CRK: variants seen among roughly 807,000 people sequenced by gnomAD.
CRK encodes the protein CRK proto-oncogene, adaptor protein, also known as adapter molecule crk.
CRK carries 4 observed loss-of-function variants against 29.8 expected under a neutral mutation model. That is an observed-to-expected ratio of 0.13 (90% CI 0.07 to 0.31). The LOEUF is 0.31. CRK is among the 10% of genes least tolerant of loss of function. The pLI is 1.00. For missense variants in CRK, 274 were observed against 396.5 expected (o/e 0.69, Z 2.62); for synonymous variants, 153 against 164.9 (o/e 0.93, Z 0.55).
chr17:1,448,620 C>CAAA lies in CRK; in HGVS notation c.241+7254_241+7256dup, dbSNP rs1292024313. Among the ~76,000 whole-genome samples the CAAA allele has an allele frequency of 4.9e-3, 158 of 32,328 alleles. 9 individuals are homozygous for CAAA. The highest frequency in any genetic ancestry group is 0.017 in the African/African-American group (99 of 5,714). The allele number at this position is 32,328 out of a possible 152,430, so 21.2% of individuals were successfully genotyped here. ...CCTGGGTGAGAGCAAGACTCCATCT[C>CAAA]AAAAAAAAAAAAAAAAAAAAAAGAA... On this transcript the variant is annotated intron_variant, in intron 1 of 2. Transcript: ENST00000300574.
In CRK at chr17:1,435,370, C is replaced by T. The variant is rs537276278; in HGVS notation, c.777+1250G>A. On this transcript the variant is annotated intron_variant, in intron 2 of 2. Coordinates refer to ENST00000300574, the MANE Select transcript of CRK (RefSeq NM_016823.4). ...CCAGCCTTTGTTCCATGTTTTCATACTTACTTCAACCCAGTGCTAATAAAG... is the reference window on the plus strand; with the variant it reads ...CCAGCCTTTGTTCCATGTTTTCATATTTACTTCAACCCAGTGCTAATAAAG... 2.6e-5 allele frequency among the ~76,000 whole-genome samples: 4 copies of T among 151,772 alleles called. No individual in the cohort carries two copies. In the South Asian group the frequency reaches 8.3e-4, roughly 32 times the overall value.
intron 1 of CRK, among the ~76,000 whole-genome samples, chr17:1,444,519 T>C (rs1214831648): frequency 1.4e-5 from 2 of 142,200 alleles, no homozygotes; most frequent in African/African-American, 5.2e-5. Context: ...AGGGAGAGCC[T>C]GTCTCAATTA....
At chr17:1,428,879 C>G (rs1002132115) in intron 2 of CRK, among the ~76,000 whole-genome samples, 4 of 148,946 alleles carry the variant, frequency 2.7e-5, no homozygotes, top group Admixed American at 6.7e-5. Flanking sequence ...GAGCCTCACT[C>G]TTGTCACCCA....
In CRK at chr17:1,456,059, C is replaced by A; in HGVS notation, c.59G>T (p.Arg20Leu). Residue 20 changes from arginine to leucine, a missense_variant, in exon 1 of 3, where the codon CGG becomes CTG. Arg to Leu is a moderately radical substitution (Grantham distance 102). Transcript: ENST00000300574. ...RSSWYWGRLS[R>L]QEAVALLQGQ... ...CTGCAGCAGCGCCACCGCCTCCTGC[C>A]GACTCAACCTCCCCCAGTACCAGCT... 6.3e-7 allele frequency: 1 copy of A among 1,593,396 alleles called. No homozygotes were observed. The highest frequency in any genetic ancestry group is 8.5e-7 in the Non-Finnish European group (1 of 1,172,028).
intron 1 of CRK, among the ~76,000 whole-genome samples, chr17:1,446,690 C>T (rs936149269): frequency 2.0e-5 from 3 of 147,674 alleles, no homozygotes; most frequent in African/African-American, 2.5e-5. Flanking sequence ...TTCCTGGGTT[C>T]ACGCCATTCT....
At chr17:1,451,359 CA>C (rs562360051) in intron 1 of CRK, among the ~76,000 whole-genome samples, 148 of 151,836 alleles carry the variant, frequency 9.7e-4, no homozygotes, top group African/African-American at 2.8e-3. Flanking sequence ...GCCTCTCCAG[CA>C]GCTAGGATTA....
At chr17:1,442,887 G>A (rs764254431) in intron 1 of CRK, among the ~76,000 whole-genome samples, 68 of 151,454 alleles carry the variant, frequency 4.5e-4, no homozygotes, top group Non-Finnish European at 8.7e-4. Context: ...GATGACAGGC[G>A]TGAGCCACTG....
At chr17:1,438,285 A>G (rs909591041) in intron 1 of CRK, among the ~76,000 whole-genome samples, 7 of 151,848 alleles carry the variant, frequency 4.6e-5, no homozygotes, top group Non-Finnish European at 7.4e-5. Context: ...ACGCTCAACC[A>G]TATCTGGGTA....
chr17:1,451,342 T>C (rs2074016625), intron 1 of CRK, among the ~76,000 whole-genome samples: 1 of 151,786 alleles, frequency 6.6e-6, no homozygotes, highest in African/African-American at 2.4e-5. Flanking sequence ...GCGATTCTCG[T>C]GCCTTAGCCT....
intron 2 of CRK, among the ~76,000 whole-genome samples, chr17:1,430,683 G>A (rs957291137): frequency 1.3e-5 from 2 of 151,458 alleles, no homozygotes; most frequent in Non-Finnish European, 2.9e-5. Context: ...ATTTTTAAAC[G>A]GATAAAGAAA....
chr17:1,451,085 G>A lies in CRK; in HGVS notation c.241+4792C>T, dbSNP rs868237272. On this transcript the variant is annotated intron_variant, in intron 1 of 2. Coordinates refer to ENST00000300574, the MANE Select transcript of CRK (RefSeq NM_016823.4). ...CGGGCGCCTGTAGTCCCAGCTACTC[G>A]GGAGGCTGAGGTAGGAGAATGGCAT... Among the ~76,000 whole-genome samples, 8 of 149,846 alleles carry A rather than the reference G, an allele frequency of 5.3e-5. No homozygotes were observed. In the South Asian group the frequency reaches 6.4e-4, roughly 12 times the overall value.
chr17:1,422,322 C>T lies in CRK; in HGVS notation c.*1191G>A, dbSNP rs1275929317. 6.6e-6 allele frequency: 1 copy of T among 151,888 alleles called. No individual in the cohort carries two copies. Among genetic ancestry groups the T allele is most frequent in the Non-Finnish European group, 1.5e-5 (1 of 68,000 alleles). The allele number at this position is 151,888 out of a possible 1,614,324, so 9.4% of individuals were successfully genotyped here. On this transcript the variant is annotated 3_prime_UTR_variant, in exon 3 of 3. Transcript: ENST00000300574. ...GGGATTACAGGCGTGCACCACCACG[C>T]CGGGCTAATTTTTTATATCTTTAGC... is the stretch of plus-strand genomic sequence containing the variant.
Position 1,443,182 on chromosome 17 carries a change from C to T in CRK, c.242-6027G>A, listed in dbSNP as rs534834726. On this transcript the variant is annotated intron_variant, in intron 1 of 2. Coordinates refer to ENST00000300574, the MANE Select transcript of CRK (RefSeq NM_016823.4). Reference sequence around the variant, plus strand: ...TTTAGTAGAGATGGGGGTTTCACCACGTTGGCAAGGCTGGTCTCGAACTCC... The same window carrying T: ...TTTAGTAGAGATGGGGGTTTCACCATGTTGGCAAGGCTGGTCTCGAACTCC... Among the ~76,000 whole-genome samples, 50 of 149,986 alleles carry T rather than the reference C, an allele frequency of 3.3e-4. 2 individuals are homozygous for T. Among genetic ancestry groups the T allele is most frequent in the South Asian group, 2.1e-4 (1 of 4,662 alleles).
At position 1,422,925 on chromosome 17, in the gene CRK, C is replaced by T. The variant is rs553789646; in HGVS notation, c.*588G>A. 9.3e-5 allele frequency: 37 copies of T among 398,886 alleles called. No homozygotes were observed. The highest frequency in any genetic ancestry group is 7.2e-4 in the African/African-American group (35 of 48,716). The allele number at this position is 398,886 out of a possible 1,614,324, so 24.7% of individuals were successfully genotyped here. A position where few individuals can be genotyped will look rare whatever the true frequency, so the allele number is the denominator to read the frequency against. On this transcript the variant is annotated 3_prime_UTR_variant, in exon 3 of 3. Transcript: ENST00000300574. ...AGAATGTCAAGGGCTAAAAGAATCC[C>T]AAGAAAAAGTATGAAGCATTGACTA...
intron 1 of CRK, among the ~76,000 whole-genome samples, chr17:1,453,943 G>A (rs1369401585): frequency 3.9e-5 from 6 of 152,264 alleles, no homozygotes; most frequent in Non-Finnish European, 7.4e-5. Flanking sequence ...GCCCACGCCT[G>A]TAATCCCAGC....
intron 1 of CRK, among the ~76,000 whole-genome samples, chr17:1,443,946 C>T (rs7215340): frequency 0.14 from 21,759 of 151,484 alleles, 2,039 homozygotes; most frequent in African/African-American, 0.26. Flanking sequence ...GTGATCCGCC[C>T]GCCTCGGCCT....
intron 1 of CRK, among the ~76,000 whole-genome samples, chr17:1,444,274 T>C (rs768395793): frequency 2.6e-5 from 4 of 152,054 alleles, no homozygotes; most frequent in South Asian, 2.1e-4. Context: ...GCTGGGACCA[T>C]AGGTGTGCAC....
At chr17:1,429,160 A>T (rs1387892517) in intron 2 of CRK, among the ~76,000 whole-genome samples, 1 of 151,392 alleles carries the variant, frequency 6.6e-6, no homozygotes, top group Non-Finnish European at 1.5e-5. Flanking sequence ...ATTCTCTTGG[A>T]TCTACCCTGC....
At chr17:1,427,025 G>T (rs1327048543) in intron 2 of CRK, among the ~76,000 whole-genome samples, 2 of 72,652 alleles carry the variant, frequency 2.8e-5, no homozygotes, top group South Asian at 5.7e-4. Context: ...GAGCAAAACT[G>T]TCTCCAAAAA....
Sources: gnomAD v4.1 joint callset for allele counts (sites outside exome capture counted in the v4.1 genomes callset) on GRCh38, gnomAD v4.1.1 for gene constraint, MANE v1.5 for transcripts, NCBI Gene and HGNC (gene_info 2026-07-23, HGNC 2026-07-21) for gene names.